CLASP2: variants seen among roughly 807,000 people sequenced by gnomAD.
The protein encoded by CLASP2 is cytoplasmic linker associated protein 2.
Under a neutral mutation model 194.4 loss-of-function variants are expected in CLASP2, and 47 were observed. The ratio of observed to expected loss-of-function variants is 0.24; its 90% CI spans 0.19 to 0.31. CLASP2 has a LOEUF of 0.31. CLASP2 is among the 10% of genes least tolerant of loss of function. CLASP2 has a pLI of 1.00. For missense variants in CLASP2, 1,445 were observed against 1,823.6 expected, an observed-to-expected ratio of 0.79 and a Z score of 3.78; for synonymous variants, 619 against 633.5, an observed-to-expected ratio of 0.98 and a Z score of 0.34.
At chr3:33,552,875 A>G (rs1452891247) in intron 29 of CLASP2, among the ~76,000 whole-genome samples, 1 of 152,156 alleles carries the variant, frequency 6.6e-6, no homozygotes, top group African/African-American at 2.4e-5. Context: ...TCCCCTCATT[A>G]GCAATTTTCA....
intron 8 of CLASP2, among the ~76,000 whole-genome samples, chr3:33,637,361 T>C (rs897448314): frequency 2.6e-5 from 4 of 152,092 alleles, no homozygotes; most frequent in Non-Finnish European, 5.9e-5. Flanking sequence ...TGAAACCCCA[T>C]CTTTACTAAA....
chr3:33,604,246 A>G, intron 16 of CLASP2, 37 bp from the exon 17 acceptor site: 1 of 1,326,114 alleles, frequency 7.5e-7, no homozygotes, highest in South Asian at 1.3e-5. Flanking sequence ...TAAGAAGACA[A>G]TTTAACACTC....
intron 12 of CLASP2, among the ~76,000 whole-genome samples, chr3:33,616,528 T>C (rs1577246716): frequency 6.6e-6 from 1 of 152,056 alleles, no homozygotes; most frequent in Admixed American, 6.6e-5. Flanking sequence ...AAGATAATCA[T>C]TTCTAAAGAT....
At chr3:33,571,548 T>C (rs1323541360) in intron 25 of CLASP2, among the ~76,000 whole-genome samples, 2 of 151,514 alleles carry the variant, frequency 1.3e-5, no homozygotes, top group South Asian at 2.1e-4. Context: ...GGCAGGAAAA[T>C]TGCTTGAACC....
chr3:33,684,552 C>T, intron 5 of CLASP2, 96 bp from the exon 6 acceptor site: 1 of 721,880 alleles, frequency 1.4e-6, no homozygotes, highest in Non-Finnish European at 2.2e-6. Flanking sequence ...CAACTTGAAG[C>T]TCTAAGTGGA....
chr3:33,594,961 T>C lies in CLASP2; in HGVS notation c.1956A>G (p.Ala652=). ...ATGTATAGTTCTTACCATCTTCAGA[T>C]GCTGTTCCTAAATAAGAAAAATAAA... is the stretch of plus-strand genomic sequence containing the variant. ...EDTSDKLDGT[A]SEDGRVRAKL... is the part of the protein sequence containing the mutation. The change falls in exon 20 of 39, where the codon GCA becomes GCG. Residue 652 remains alanine (A), a synonymous_variant. Transcript: ENST00000682230. 2 of 1,428,138 alleles carry C rather than the reference T, an allele frequency of 1.4e-6. No individual in the cohort carries two copies. The highest frequency in any genetic ancestry group is 1.9e-6 in the Non-Finnish European group (2 of 1,068,822). 88.5% of individuals were successfully genotyped at this position (1,428,138 alleles called of 1,614,324 possible).
intron 1 of CLASP2, among the ~76,000 whole-genome samples, chr3:33,711,130 T>C (rs1371403072): frequency 6.6e-6 from 1 of 152,038 alleles, no homozygotes; most frequent in Non-Finnish European, 1.5e-5. Context: ...AGGGCCCATA[T>C]AATGGTCAGG....
At chr3:33,598,685 C>T (rs571534082) in intron 18 of CLASP2, among the ~76,000 whole-genome samples, 4 of 152,252 alleles carry the variant, frequency 2.6e-5, no homozygotes, top group East Asian at 1.9e-4. Flanking sequence ...GACCGTCAGG[C>T]GTAACAATAA....
chr3:33,694,884 A>C (rs138190168), intron 2 of CLASP2, among the ~76,000 whole-genome samples: 1 of 152,178 alleles, frequency 6.6e-6, no homozygotes, highest in African/African-American at 2.4e-5. Context: ...CTGAGGCTGC[A>C]GTGAGCCACG....
chr3:33,595,051 C>T, intron 19 of CLASP2, 83 bp from the exon 20 acceptor site: 2 of 744,950 alleles, frequency 2.7e-6, no homozygotes, highest in Non-Finnish European at 4.0e-6. Context: ...CCACCCAACA[C>T]TACAATGAAA....
chr3:33,563,815 A>G (rs149428368), intron 27 of CLASP2: 8 of 445,538 alleles, frequency 1.8e-5, no homozygotes, highest in Middle Eastern at 6.6e-4. Flanking sequence ...TCTGTAAGAT[A>G]ATGTCTAAAA....
intron 7 of CLASP2, among the ~76,000 whole-genome samples, chr3:33,648,093 A>G (rs1292082696): frequency 6.6e-6 from 1 of 152,070 alleles, no homozygotes; most frequent in Admixed American, 6.5e-5. Flanking sequence ...AAAATATCTG[A>G]TTAACTGAAA....
rs1303828370 is a variant in CLASP2, at chr3:33,581,756, G to A, written c.2347+65C>T. ...AAGAAAGCTAAATCCCAGGTATGCTGAAGTTAACAGATAGTGATAACACCA... is the reference window on the plus strand; with the variant it reads ...AAGAAAGCTAAATCCCAGGTATGCTAAAGTTAACAGATAGTGATAACACCA... On this transcript the variant is annotated intron_variant, in intron 23 of 38. Coordinates refer to ENST00000682230, the MANE Select transcript of CLASP2 (RefSeq NM_001365631.1). The A allele has an allele frequency of 3.7e-6, 4 of 1,085,304 alleles. No individual in the cohort carries two copies. The East Asian group carries it at 1.0e-4, about 27-fold the overall frequency. The allele number at this position is 1,085,304 out of a possible 1,614,324, so 67.2% of individuals were successfully genotyped here. A position where few individuals can be genotyped will look rare whatever the true frequency, so the allele number is the denominator to read the frequency against.
intron 8 of CLASP2, among the ~76,000 whole-genome samples, chr3:33,632,628 C>G (rs927651172): frequency 2.0e-5 from 3 of 152,128 alleles, no homozygotes; most frequent in Non-Finnish European, 4.4e-5. Context: ...TGAAACCCGC[C>G]TCCCTATTCA....
intron 19 of CLASP2, 126 bp from the exon 20 acceptor site, chr3:33,595,094 C>T (rs770339477): frequency 4.2e-6 from 2 of 475,684 alleles, no homozygotes; most frequent in Admixed American, 8.8e-5. Context: ...TTTAGTCTGA[C>T]AGCCTTAAAT....
intron 18 of CLASP2, among the ~76,000 whole-genome samples, chr3:33,598,878 C>T (rs1249673849): frequency 3.9e-5 from 6 of 152,140 alleles, no homozygotes; most frequent in African/African-American, 1.4e-4. Flanking sequence ...ATTCCTGTTT[C>T]CTACCACCAA....
chr3:33,540,630 GA>G (rs1338915556), intron 32 of CLASP2, among the ~76,000 whole-genome samples: 1 of 151,980 alleles, frequency 6.6e-6, no homozygotes, highest in Non-Finnish European at 1.5e-5. Context: ...GTAGAACATG[GA>G]AAAAATAGGC....
At chr3:33,589,546 T>C (rs753758329) in intron 21 of CLASP2, among the ~76,000 whole-genome samples, 7 of 152,082 alleles carry the variant, frequency 4.6e-5, no homozygotes, top group Non-Finnish European at 8.8e-5. Context: ...ATGGAACATA[T>C]AGTCATTCAA....
chr3:33,676,931 CA>C (rs2154341046), intron 6 of CLASP2, among the ~76,000 whole-genome samples: 1 of 152,272 alleles, frequency 6.6e-6, no homozygotes, highest in Admixed American at 6.5e-5. Context: ...GCCATTTATG[CA>C]GCCAAAAAAC....
Sources: allele counts gnomAD v4.1 joint callset (sites outside exome capture counted in the v4.1 genomes callset), GRCh38; gene constraint gnomAD v4.1.1; transcripts MANE v1.5; gene names NCBI Gene and HGNC (gene_info 2026-07-23, HGNC 2026-07-21).